ANKS1B: variants seen among roughly 807,000 people sequenced by gnomAD.
The protein encoded by ANKS1B is ankyrin repeat and sterile alpha motif domain-containing protein 1B.
A neutral mutation model predicts 148.3 loss-of-function variants in ANKS1B; 36 were observed. The ratio of observed to expected loss-of-function variants is 0.24; its 90% CI spans 0.19 to 0.32. The LOEUF (loss-of-function observed/expected upper bound fraction) is 0.32, where lower values mean the gene tolerates loss of function less well. Ranked by LOEUF, ANKS1B falls within the 10% of genes least tolerant of loss-of-function variation. The pLI is 1.00. For missense variants in ANKS1B, 1,157 were observed against 1,542.6 expected (o/e 0.75, Z 4.19); for synonymous variants, 542 against 560.8 (o/e 0.97, Z 0.47).
chr12:99,708,580 T>A (rs1226496408), intron 8 of ANKS1B, among the ~76,000 whole-genome samples: 1 of 152,170 alleles, frequency 6.6e-6, no homozygotes, highest in Admixed American at 6.5e-5. Flanking sequence ...GCTATGGGTA[T>A]TCCTCATTGG....
rs777484418 is a variant in ANKS1B, at chr12:99,334,129, A to AATAGATAG, written c.1756+65494_1756+65501dup. The stretch of plus-strand genomic sequence containing the variant: ...TTCCAAACAGCCATTTGCTCCTCTA[A>AATAGATAG]ATAGATAGATAGATAGATAGATAGA... On this transcript the variant is annotated intron_variant, in intron 12 of 26. Coordinates refer to ENST00000683438, the MANE Select transcript of ANKS1B (RefSeq NM_001352186.2). Among the ~76,000 whole-genome samples, 1,314 of 150,774 alleles carry AATAGATAG rather than the reference A, an allele frequency of 8.7e-3. 20 individuals carry two copies. Among genetic ancestry groups the AATAGATAG allele is most frequent in the African/African-American group, 0.03 (1,222 of 40,670 alleles).
At chr12:98,880,951 A>G (rs974297495) in intron 17 of ANKS1B, among the ~76,000 whole-genome samples, 2 of 152,128 alleles carry the variant, frequency 1.3e-5, no homozygotes, top group Non-Finnish European at 2.9e-5. Flanking sequence ...ACCGAAAAAA[A>G]ATTTTGAATG....
intron 17 of ANKS1B, among the ~76,000 whole-genome samples, chr12:98,857,606 C>A (rs78747706): frequency 6.6e-6 from 1 of 151,338 alleles, no homozygotes; most frequent in Admixed American, 6.6e-5. Context: ...TTCATGCTCT[C>A]GGTGTAGTGG....
At chr12:99,436,231 T>C (rs1239499323) in intron 11 of ANKS1B, among the ~76,000 whole-genome samples, 1 of 152,028 alleles carries the variant, frequency 6.6e-6, no homozygotes, top group African/African-American at 2.4e-5. Flanking sequence ...GATTATTTTC[T>C]ACCTAATGAG....
chr12:98,991,287 T>A (rs1352383139), intron 17 of ANKS1B, among the ~76,000 whole-genome samples: 1 of 152,212 alleles, frequency 6.6e-6, no homozygotes, highest in Non-Finnish European at 1.5e-5. Flanking sequence ...ACATTTAAAA[T>A]GCTAGAATAT....
intron 15 of ANKS1B, 123 bp downstream of exon 15, chr12:99,154,166 A>G: frequency 3.3e-6 from 4 of 1,222,584 alleles, no homozygotes; most frequent in South Asian, 3.1e-5. Flanking sequence ...CAATTTTCCA[A>G]TGCAGTTACA....
chr12:99,842,976 T>G (rs2086005754), intron 1 of ANKS1B, among the ~76,000 whole-genome samples: 1 of 152,158 alleles, frequency 6.6e-6, no homozygotes, highest in Admixed American at 6.5e-5. Flanking sequence ...TATATCACTG[T>G]GATTGAATTA....
chr12:99,133,021 G>GTTTTTTTTT (rs61255520), intron 15 of ANKS1B, among the ~76,000 whole-genome samples: 1 of 139,918 alleles, frequency 7.1e-6, no homozygotes. Context: ...TGGCAACATG[G>GTTTTTTTTT]TTTTTTTTTT....
chr12:99,147,160 C>T (rs1239139925), intron 15 of ANKS1B, among the ~76,000 whole-genome samples: 1 of 152,040 alleles, frequency 6.6e-6, no homozygotes, highest in Non-Finnish European at 1.5e-5. Context: ...TAATGTACCC[C>T]TGTAAGATAA....
intron 16 of ANKS1B, among the ~76,000 whole-genome samples, chr12:99,071,644 C>CTTTTT (rs71646503): frequency 9.1e-5 from 13 of 143,140 alleles, no homozygotes; most frequent in Non-Finnish European, 1.1e-4. Flanking sequence ...TAATCTCTCT[C>CTTTTT]TTTTTTTTTT....
At chr12:99,809,691 A>T (rs574450169) in intron 3 of ANKS1B, among the ~76,000 whole-genome samples, 34 of 152,210 alleles carry the variant, frequency 2.2e-4, no homozygotes, top group Admixed American at 6.6e-4. Flanking sequence ...CAAAAGAGAT[A>T]ACATATTTTT....
intron 12 of ANKS1B, among the ~76,000 whole-genome samples, chr12:99,305,924 T>TC (rs1402664759): frequency 6.6e-6 from 1 of 152,174 alleles, no homozygotes; most frequent in Non-Finnish European, 1.5e-5. Flanking sequence ...TAAAATGTCC[T>TC]CCCTTGTTGA....
At chr12:99,218,206 AT>A (rs1289819842) in intron 14 of ANKS1B, among the ~76,000 whole-genome samples, 2 of 152,034 alleles carry the variant, frequency 1.3e-5, no homozygotes, top group Non-Finnish European at 2.9e-5. Flanking sequence ...AAAAAAAGTC[AT>A]TTTTCTCACC....
At chr12:99,456,614 A>G (rs557072659) in intron 10 of ANKS1B, among the ~76,000 whole-genome samples, 8 of 152,284 alleles carry the variant, frequency 5.3e-5, no homozygotes, top group African/African-American at 1.9e-4. Flanking sequence ...CACTTAGAGA[A>G]TTACAAAATG....
intron 11 of ANKS1B, 76 bp downstream of exon 11, chr12:99,443,597 C>A: frequency 6.8e-7 from 1 of 1,475,872 alleles, no homozygotes; most frequent in Non-Finnish European, 9.3e-7. Flanking sequence ...CCAGGCATTG[C>A]AATATAAGTG....
At chr12:99,517,523 G>C (rs1334075007) in intron 9 of ANKS1B, among the ~76,000 whole-genome samples, 2 of 150,156 alleles carry the variant, frequency 1.3e-5, no homozygotes, top group South Asian at 2.1e-4. Context: ...TTCGAGACTA[G>C]CCTGACCAAT....
intron 12 of ANKS1B, among the ~76,000 whole-genome samples, chr12:99,288,528 C>G (rs1159282621): frequency 6.6e-6 from 1 of 152,082 alleles, no homozygotes; most frequent in African/African-American, 2.4e-5. Context: ...TATTAGAACA[C>G]TGTAACTGTG....
chr12:98,981,124 A>T (rs1206328618), intron 17 of ANKS1B, among the ~76,000 whole-genome samples: 1 of 151,708 alleles, frequency 6.6e-6, no homozygotes, highest in Non-Finnish European at 1.5e-5. Context: ...TAGGCAACAT[A>T]GTGAGACTCT....
intron 8 of ANKS1B, among the ~76,000 whole-genome samples, chr12:99,733,848 C>T (rs1429469395): frequency 1.3e-5 from 2 of 152,172 alleles, no homozygotes; most frequent in Admixed American, 6.5e-5. Context: ...CATCTTCATA[C>T]CTGTATCTAA....
Sources: gnomAD v4.1 joint callset for allele counts (sites outside exome capture counted in the v4.1 genomes callset) on GRCh38, gnomAD v4.1.1 for gene constraint, MANE v1.5 for transcripts, NCBI Gene and HGNC (gene_info 2026-07-23, HGNC 2026-07-21) for gene names.